The following TCOF1 variants were observed in gnomAD, a reference collection of about 807,000 sequenced individuals.
The protein encoded by TCOF1 is treacle ribosome biogenesis factor 1, also known as treacle protein.
In TCOF1, 33 loss-of-function variants were observed where a neutral mutation model predicts 149.0. The ratio of observed to expected loss-of-function variants is 0.22; its 90% CI spans 0.17 to 0.30. The LOEUF is 0.30. Ranked by LOEUF, TCOF1 falls within the 10% of genes least tolerant of loss-of-function variation. TCOF1 has a pLI of 1.00. For synonymous variants in TCOF1, 789 were observed against 738.8 expected, an observed-to-expected ratio of 1.07 and a Z score of -1.10; for missense variants, 1,728 against 1,840.7, an observed-to-expected ratio of 0.94 and a Z score of 1.12.
At chr5:150,399,113 A>T in intron 26 of TCOF1, 43 bp downstream of exon 26, 1 of 1,613,178 alleles carries the variant, frequency 6.2e-7, no homozygotes, top group Non-Finnish European at 8.5e-7. Flanking sequence ...GTGGGAGGAC[A>T]GCTCTGGTGT....
chr5:150,374,865 G>A, intron 9 of TCOF1, 54 bp downstream of exon 9: 1 of 1,609,608 alleles, frequency 6.2e-7, no homozygotes, highest in Non-Finnish European at 8.5e-7. Flanking sequence ...CCCAGCACCT[G>A]CATGGGTGTG....
At chr5:150,392,481 G>A in intron 21 of TCOF1, 1 of 612,646 alleles carries the variant, frequency 1.6e-6, no homozygotes, top group Non-Finnish European at 2.9e-6. Flanking sequence ...TGGGGCCTCA[G>A]GAATTAGAAA....
At chr5:150,369,744 G>A (rs1176698483) in intron 6 of TCOF1, 142 bp downstream of exon 6, 22 of 936,458 alleles carry the variant, frequency 2.3e-5, no homozygotes, top group African/African-American at 3.3e-5. Flanking sequence ...GGCTGCAGCC[G>A]GAGAGGGGCA....
Position 150,369,513 on chromosome 5 carries a change from C to T in TCOF1, c.566-16C>T, listed in dbSNP as rs543874495. The stretch of plus-strand genomic sequence containing the variant: ...GGAAAGGGAGTCCCTCAGTCCCCTC[C>T]GTGTCCGATCCTCAGGGATGGTGTC... On this transcript the variant is annotated splice_polypyrimidine_tract_variant and intron_variant, in intron 5 of 26. Coordinates refer to ENST00000643257, the MANE Select transcript of TCOF1 (RefSeq NM_001371623.1). The T allele has an allele frequency of 6.2e-6, 10 of 1,613,984 alleles. No individual in the cohort carries two copies. The highest frequency in any genetic ancestry group is 2.2e-5 in the East Asian group (1 of 44,876).
intron 21 of TCOF1, 79 bp downstream of exon 21, chr5:150,392,255 C>T (rs914588702): frequency 1.4e-6 from 2 of 1,448,582 alleles, no homozygotes; most frequent in African/African-American, 2.8e-5. Flanking sequence ...GCTCTGGCCT[C>T]AGCTCCATAT....
Position 150,374,930 on chromosome 5 carries a change from C to T in TCOF1, c.1279-24C>T, listed in dbSNP as rs1449619160. 1.9e-6 allele frequency: 3 copies of T among 1,613,618 alleles called. No homozygotes were observed. The Admixed American group carries it at 5.0e-5, about 27-fold the overall frequency. On this transcript the variant is annotated intron_variant, in intron 9 of 26. Transcript: ENST00000643257. Reference sequence around the variant, plus strand: ...CCACACGTCCACCCTCTGGGCTCTCCCCTCATCCTGTTTCTCACTCCAGGC... The same window carrying T: ...CCACACGTCCACCCTCTGGGCTCTCTCCTCATCCTGTTTCTCACTCCAGGC...
At chr5:150,398,488 G>T (rs1769054253) in intron 25 of TCOF1, 37 bp downstream of exon 25, 1 of 1,613,662 alleles carries the variant, frequency 6.2e-7, no homozygotes, top group East Asian at 2.2e-5. Context: ...CCAGAAAACA[G>T]ACCCAAACCC....
intron 17 of TCOF1, chr5:150,380,319 T>TGAG (rs1764857741): frequency 6.7e-5 from 11 of 164,122 alleles, no homozygotes; most frequent in Admixed American, 2.8e-4. Context: ...GCTAGGCCAG[T>TGAG]ATTTCCCACC....
chr5:150,374,139 A>G (rs758318395), intron 7 of TCOF1, 35 bp from the exon 8 acceptor site: 1 of 1,593,662 alleles, frequency 6.3e-7, no homozygotes, highest in Admixed American at 1.7e-5. Flanking sequence ...AGTTTTCACA[A>G]GCAGGAGAGC....
intron 6 of TCOF1, 100 bp from the exon 7 acceptor site, chr5:150,371,906 A>G (rs977737282): frequency 1.9e-5 from 21 of 1,102,272 alleles, no homozygotes; most frequent in African/African-American, 9.4e-5. Flanking sequence ...ATCCAGTGAC[A>G]TTAGGAAAGA....
chr5:150,361,518 A>G (rs992037069), intron 2 of TCOF1, among the ~76,000 whole-genome samples: 2 of 152,340 alleles, frequency 1.3e-5, no homozygotes, highest in East Asian at 1.9e-4. Flanking sequence ...TTAGTATGCA[A>G]ATATTGTCAC....
chr5:150,376,306 A>G lies in TCOF1; in HGVS notation c.2118A>G (p.Thr706=), dbSNP rs750938066. 6 of 1,614,196 alleles carry G rather than the reference A, an allele frequency of 3.7e-6. No homozygotes were observed. Among genetic ancestry groups the G allele is most frequent in the Admixed American group, 1.7e-5 (1 of 60,032 alleles). ...SEESDSEEEK[T]GLAVTVGQAK... ...AATCAGATAGTGAGGAAGAGAAGAC[A>G]GGTCTTGCAGTAACCGTGGGACAGG... Residue 706 remains threonine, a synonymous_variant, in exon 13 of 27, where the codon ACA becomes ACG. Transcript: ENST00000643257.
At chr5:150,374,859 G>A (rs774987654) in intron 9 of TCOF1, 48 bp downstream of exon 9, 76 of 1,609,058 alleles carry the variant, frequency 4.7e-5, no homozygotes, top group Non-Finnish European at 6.3e-5. Context: ...CTAAACCCCA[G>A]CACCTGCATG....
rs200375016 is a variant in TCOF1, at chr5:150,367,883, C to T, written c.344C>T (p.Ala115Val). ...LASTNSSVLG[A>V]DLPSSMKEKA... ...TCTACCAACTCCTCAGTCCTGGGGG[C>T]GGACTTGCCATCAAGCATGAAAGAA... The change falls in exon 4 of 27, where the codon GCG becomes GTG. Residue 115 changes from alanine to valine, a missense_variant. This residue lies in a region of TCOF1 where 1,696 missense variants were observed against 1,765.4 expected (regional missense o/e 0.96). Coordinates refer to ENST00000643257, the MANE Select transcript of TCOF1 (RefSeq NM_001371623.1). The T allele has an allele frequency of 1.1e-5, 17 of 1,614,140 alleles. 1 individual carries two copies. Among genetic ancestry groups the T allele is most frequent in the South Asian group, 5.5e-5 (5 of 91,080 alleles).
chr5:150,392,863 G>T, intron 22 of TCOF1, 73 bp downstream of exon 22: 3 of 1,541,296 alleles, frequency 1.9e-6, no homozygotes, highest in Non-Finnish European at 2.7e-6. Context: ...CTGTCTACCC[G>T]ATCCCTCAGG....
chr5:150,393,032 T>A, intron 22 of TCOF1: 1 of 603,492 alleles, frequency 1.7e-6, no homozygotes. Context: ...GGGATTGACC[T>A]TGATTCTGGG....
At chr5:150,396,132 G>A (rs1356778591) in intron 23 of TCOF1, 150 bp from the exon 24 acceptor site, 9 of 851,704 alleles carry the variant, frequency 1.1e-5, no homozygotes, top group East Asian at 9.9e-5. Context: ...GAGACCAGCT[G>A]GGGCAGAGTG....
chr5:150,369,494 G>T (rs1429634496), intron 5 of TCOF1, 35 bp from the exon 6 acceptor site: 1 of 1,613,238 alleles, frequency 6.2e-7, no homozygotes. Flanking sequence ...GGCTGGAAAG[G>T]GAGTCCCTCA....
intron 1 of TCOF1, among the ~76,000 whole-genome samples, chr5:150,360,772 T>C (rs983534892): frequency 6.6e-6 from 1 of 150,396 alleles, no homozygotes; most frequent in Admixed American, 6.6e-5. Flanking sequence ...GGTCTTGCTC[T>C]GTTGCCCAGG....
Sources: allele counts gnomAD v4.1 joint callset (sites outside exome capture counted in the v4.1 genomes callset), GRCh38; gene constraint gnomAD v4.1.1; regional missense constraint gnomAD v4.1.1; transcripts MANE v1.5; gene names NCBI Gene and HGNC (gene_info 2026-07-23, HGNC 2026-07-21).